Variants in ZMIZ1 observed in about 807,000 individuals in gnomAD.
ZMIZ1 encodes zinc finger MIZ domain-containing protein 1.
Under a neutral mutation model 113.9 loss-of-function variants are expected in ZMIZ1, and 17 were observed. The observed-to-expected ratio is 0.15, with a 90% confidence interval of 0.10 to 0.22. ZMIZ1 has a LOEUF of 0.22. ZMIZ1 is among the 10% of genes least tolerant of loss of function. The pLI, the probability that ZMIZ1 is intolerant of heterozygous loss-of-function variation, is 1.00. For missense variants in ZMIZ1, 1,059 were observed against 1,477.8 expected (o/e 0.72, Z 4.65); for synonymous variants, 607 against 603.1 (o/e 1.01, Z -0.09).
At chr10:79,112,961 C>T (rs999141092) in intron 1 of ZMIZ1, among the ~76,000 whole-genome samples, 1 of 152,232 alleles carries the variant, frequency 6.6e-6, no homozygotes. Context: ...CCTCCTGGCT[C>T]CTGGCTCCCA....
intron 2 of ZMIZ1, among the ~76,000 whole-genome samples, chr10:79,139,288 G>A (rs1845157470): frequency 6.6e-6 from 1 of 152,152 alleles, no homozygotes; most frequent in South Asian, 2.1e-4. Flanking sequence ...ACGGCGCAGA[G>A]AGGAGGCCAC....
At chr10:79,195,028 C>T (rs1613299) in intron 4 of ZMIZ1, among the ~76,000 whole-genome samples, 37,577 of 152,092 alleles carry the variant, frequency 0.25, 5,694 homozygotes, top group Non-Finnish European at 0.35. Flanking sequence ...AAAGGGGCAG[C>T]GTCTTGGCCT....
intron 3 of ZMIZ1, among the ~76,000 whole-genome samples, chr10:79,157,168 G>A (rs183232415): frequency 2.8e-4 from 43 of 152,290 alleles, no homozygotes; most frequent in African/African-American, 1.0e-3. Flanking sequence ...ACTGTGTGAT[G>A]TGTGGCCTTT....
chr10:79,171,113 C>T (rs942947367), intron 4 of ZMIZ1, among the ~76,000 whole-genome samples: 2 of 152,256 alleles, frequency 1.3e-5, no homozygotes, highest in Admixed American at 6.5e-5. Flanking sequence ...ACGCACAGTG[C>T]GGTGAGCTCC....
intron 7 of ZMIZ1, among the ~76,000 whole-genome samples, chr10:79,264,687 G>A (rs1851483268): frequency 6.6e-6 from 1 of 152,138 alleles, no homozygotes; most frequent in Non-Finnish European, 1.5e-5. Flanking sequence ...ACCTCCGGAG[G>A]GGCTTGTGAG....
intron 1 of ZMIZ1, among the ~76,000 whole-genome samples, chr10:79,114,041 G>A (rs529502452): frequency 1.7e-4 from 26 of 152,294 alleles, no homozygotes; most frequent in African/African-American, 5.3e-4. Context: ...CTTGCCTGCC[G>A]GACTCCTACC....
At chr10:79,269,484 C>CAT (rs1554825463) in intron 7 of ZMIZ1, among the ~76,000 whole-genome samples, 4 of 148,190 alleles carry the variant, frequency 2.7e-5, no homozygotes, top group African/African-American at 7.7e-5. Flanking sequence ...CACACACACA[C>CAT]ACACACTTTC....
chr10:79,139,675 T>A lies in ZMIZ1; in HGVS notation c.-226-7T>A, dbSNP rs1845179045. ...ACACACGTCTCATCTCTCCCCTGTGTACCCAGGAGGAAGAGGAGGAGGCCC... is the reference window on the plus strand; with the variant it reads ...ACACACGTCTCATCTCTCCCCTGTGAACCCAGGAGGAAGAGGAGGAGGCCC... On this transcript the variant is annotated splice_polypyrimidine_tract_variant and splice_region_variant and intron_variant, in intron 2 of 24. Coordinates refer to ENST00000334512, the MANE Select transcript of ZMIZ1 (RefSeq NM_020338.4). 2.5e-6 allele frequency: 1 copy of A among 398,580 alleles called. No individual in the cohort carries two copies. The highest frequency in any genetic ancestry group is 4.4e-6 in the Non-Finnish European group (1 of 226,068). The allele number at this position is 398,580 out of a possible 1,614,324, so 24.7% of individuals were successfully genotyped here.
rs1200861600 is a variant in ZMIZ1, at chr10:79,300,889, G to C, written c.1966G>C (p.Val656Leu). ...TSHKPLHLKH[V>L]CQPGRNTIQI... ...CCACAAGCCCCTGCACCTGAAGCAC[G>C]TGTGCCAGCCGGGCCGCAACACCAT... The change falls in exon 17 of 25, where the codon GTG becomes CTG. Residue 656 changes from valine (V) to leucine (L), a missense_variant. Physicochemically the swap from Val to Leu is conservative, Grantham distance 32. Transcript: ENST00000334512. 6.2e-7 allele frequency: 1 copy of C among 1,613,042 alleles called. No homozygotes were observed. Among genetic ancestry groups the C allele is most frequent in the Non-Finnish European group, 8.5e-7 (1 of 1,179,966 alleles).
intron 4 of ZMIZ1, among the ~76,000 whole-genome samples, chr10:79,183,687 A>G (rs1411669657): frequency 6.6e-6 from 1 of 152,214 alleles, no homozygotes. Flanking sequence ...GCTGTGTCTC[A>G]GTTTTCCCAT....
At chr10:79,128,200 A>G (rs10762851) in intron 2 of ZMIZ1, among the ~76,000 whole-genome samples, 41,158 of 151,998 alleles carry the variant, frequency 0.27, 7,007 homozygotes, top group East Asian at 0.44. Flanking sequence ...CTCCACCCCT[A>G]GGTGCTTGGG....
chr10:79,302,043 G>A (rs1854338772), intron 17 of ZMIZ1, 64 bp from the exon 18 acceptor site: 3 of 1,550,972 alleles, frequency 1.9e-6, no homozygotes, highest in Admixed American at 3.3e-5. Flanking sequence ...GGCTGCTGAG[G>A]CTGCAGGCAG....
At chr10:79,278,575 G>C (rs1023400950) in intron 8 of ZMIZ1, among the ~76,000 whole-genome samples, 2 of 151,108 alleles carry the variant, frequency 1.3e-5, no homozygotes, top group Admixed American at 6.6e-5. Flanking sequence ...CCTAGGCAGA[G>C]GGTCCTGCCG....
chr10:79,102,952 G>T (rs1843416757), intron 1 of ZMIZ1, among the ~76,000 whole-genome samples: 1 of 152,232 alleles, frequency 6.6e-6, no homozygotes, highest in African/African-American at 2.4e-5. Flanking sequence ...AGGAGGTGCT[G>T]ACCCTCCTGG....
chr10:79,124,080 C>G (rs1243554720), intron 2 of ZMIZ1, among the ~76,000 whole-genome samples: 2 of 152,244 alleles, frequency 1.3e-5, no homozygotes, highest in African/African-American at 4.8e-5. Flanking sequence ...CTGCTTATTC[C>G]TGCCCAAGGT....
chr10:79,285,811 T>C (rs1349660534), intron 8 of ZMIZ1, among the ~76,000 whole-genome samples: 1 of 152,212 alleles, frequency 6.6e-6, no homozygotes, highest in Non-Finnish European at 1.5e-5. Context: ...CCAGTGGAGT[T>C]CAGTACCTTC....
At chr10:79,233,116 C>T (rs1049182476) in intron 7 of ZMIZ1, among the ~76,000 whole-genome samples, 18 of 152,300 alleles carry the variant, frequency 1.2e-4, no homozygotes, top group African/African-American at 4.1e-4. Context: ...TTGTCTGGGG[C>T]CCAAGGGGGG....
chr10:79,146,566 G>A (rs909359159), intron 3 of ZMIZ1, among the ~76,000 whole-genome samples: 2 of 152,234 alleles, frequency 1.3e-5, no homozygotes, highest in Non-Finnish European at 2.9e-5. Flanking sequence ...CTCCCCTCCT[G>A]TGTGGCCCCA....
Position 79,305,165 on chromosome 10 carries a change from G to A in ZMIZ1, c.2288G>A (p.Cys763Tyr). 1 of 1,614,166 alleles carries A rather than the reference G, an allele frequency of 6.2e-7. No homozygotes were observed. The highest frequency in any genetic ancestry group is 2.2e-5 in the East Asian group (1 of 44,886). Reference protein sequence around the residue: ...ARGHDCKHVQCFDLESYLQLN... With the variant: ...ARGHDCKHVQYFDLESYLQLN... ...CTGTGTCTGTCTGTCTGTCTGCAGT[G>A]CTTTGATCTGGAGTCATACCTGCAG... Residue 763 changes from cysteine to tyrosine, a missense_variant and splice_region_variant, in exon 20 of 25, where the codon TGC becomes TAC. Transcript: ENST00000334512.
Sources: gnomAD v4.1 joint callset for allele counts (sites outside exome capture counted in the v4.1 genomes callset) on GRCh38, gnomAD v4.1.1 for gene constraint, MANE v1.5 for transcripts, NCBI Gene and HGNC (gene_info 2026-07-23, HGNC 2026-07-21) for gene names.